Variants in CHST11 observed in about 807,000 individuals in gnomAD.
CHST11 encodes C4S-1.
A neutral mutation model predicts 30.4 loss-of-function variants in CHST11; 9 were observed. That is an observed-to-expected ratio of 0.30 (90% CI 0.18 to 0.52). CHST11 has a LOEUF of 0.52. Ranked by LOEUF, CHST11 falls within the 20% of genes least tolerant of loss-of-function variation. CHST11 has a pLI of 0.97. For missense variants in CHST11, 348 were observed against 460.6 expected (o/e 0.76, Z 2.24); for synonymous variants, 152 against 187.8 (o/e 0.81, Z 1.56).
At chr12:104,625,476 T>C (rs1209759641) in intron 2 of CHST11, among the ~76,000 whole-genome samples, 1 of 152,186 alleles carries the variant, frequency 6.6e-6, no homozygotes, top group Non-Finnish European at 1.5e-5. Flanking sequence ...GGCTCATTTT[T>C]GTGTTTTTAG....
rs10659007 is a variant in CHST11, at chr12:104,750,428, C to CT, written c.205-6493dup. ...GTGTACCTGGTTTTATATTTCTGCA[C>CT]TTTTTTTTTTTTTTTTTTTTTTTTT... On this transcript the variant is annotated intron_variant, in intron 2 of 2. Coordinates refer to ENST00000303694, the MANE Select transcript of CHST11 (RefSeq NM_018413.6). Among the ~76,000 whole-genome samples the CT allele has an allele frequency of 4.0e-3, 196 of 48,716 alleles. 23 individuals carry two copies. The highest frequency in any genetic ancestry group is 9.7e-3 in the South Asian group (11 of 1,130). 32.0% of individuals were successfully genotyped at this position (48,716 alleles called of 152,430 possible).
At position 104,694,475 on chromosome 12, in the gene CHST11, GA is replaced by G. The variant is rs764195620; in HGVS notation, c.205-62472del. Among the ~76,000 whole-genome samples the G allele has an allele frequency of 2.6e-5, 4 of 152,298 alleles. No homozygotes were observed. In the East Asian group the frequency reaches 5.8e-4, roughly 22 times the overall value. On this transcript the variant is annotated intron_variant, in intron 2 of 2. Transcript: ENST00000303694. Reference sequence around the variant, plus strand: ...GCCACTTTTGAAAAAAATGTTTTTTGAATGTGTTTTTTGGTTTTGTTTTGTT... The same window carrying G: ...GCCACTTTTGAAAAAAATGTTTTTTGATGTGTTTTTTGGTTTTGTTTTGTT...
At chr12:104,557,301 C>T (rs2038466840) in intron 1 of CHST11, among the ~76,000 whole-genome samples, 1 of 152,204 alleles carries the variant, frequency 6.6e-6, no homozygotes, top group Admixed American at 6.5e-5. Flanking sequence ...AACAGGGCTC[C>T]TTCACCGCTC....
intron 1 of CHST11, among the ~76,000 whole-genome samples, chr12:104,482,047 C>T (rs968074143): frequency 1.3e-5 from 2 of 152,098 alleles, no homozygotes; most frequent in Non-Finnish European, 2.9e-5. Context: ...GACAGGGTTT[C>T]ACCATGTTGG....
At chr12:104,756,928 C>G (rs756509486) in intron 2 of CHST11, 21 bp from the exon 3 acceptor site, 10 of 1,597,584 alleles carry the variant, frequency 6.3e-6, no homozygotes, top group Non-Finnish European at 8.5e-6. Context: ...AGTTCTTATT[C>G]GTCTTGTGTC....
chr12:104,629,087 G>A (rs1290874757), intron 2 of CHST11, among the ~76,000 whole-genome samples: 1 of 152,168 alleles, frequency 6.6e-6, no homozygotes, highest in East Asian at 1.9e-4. Flanking sequence ...ATCTAGAGTT[G>A]CAAATTGCAC....
intron 1 of CHST11, among the ~76,000 whole-genome samples, chr12:104,522,804 T>C (rs2038086574): frequency 6.6e-6 from 1 of 152,030 alleles, no homozygotes. Context: ...TCTGAAAGGC[T>C]CCCCCTGTGC....
intron 2 of CHST11, among the ~76,000 whole-genome samples, chr12:104,639,994 C>T (rs939963091): frequency 6.6e-6 from 1 of 152,150 alleles, no homozygotes; most frequent in Non-Finnish European, 1.5e-5. Context: ...CATCATATGT[C>T]GTTAGGGAAT....
rs926865895 is a variant in CHST11, at chr12:104,467,051, A to G, written c.118+9522A>G. On this transcript the variant is annotated intron_variant, in intron 1 of 2. Transcript: ENST00000303694. Reference sequence around the variant, plus strand: ...TGGGATCTCTTTAGGCCTCAGTTCTATTTTGTGAGGAATAGGATAGTTAAA... The same window carrying G: ...TGGGATCTCTTTAGGCCTCAGTTCTGTTTTGTGAGGAATAGGATAGTTAAA... Among the ~76,000 whole-genome samples, 6 of 152,160 alleles carry G rather than the reference A, an allele frequency of 3.9e-5. No homozygotes were observed. In the East Asian group the frequency reaches 1.2e-3, roughly 29 times the overall value.
chr12:104,470,030 G>A (rs571103470), intron 1 of CHST11, among the ~76,000 whole-genome samples: 4 of 152,360 alleles, frequency 2.6e-5, no homozygotes, highest in African/African-American at 9.6e-5. Flanking sequence ...TAGGGGACAG[G>A]TGGCAATGTC....
At chr12:104,518,439 G>A (rs896095757) in intron 1 of CHST11, among the ~76,000 whole-genome samples, 1 of 152,120 alleles carries the variant, frequency 6.6e-6, no homozygotes, top group African/African-American at 2.4e-5. Context: ...ATATTCAGAG[G>A]TTGTCAGTTG....
chr12:104,508,014 G>A (rs374254995), intron 1 of CHST11, among the ~76,000 whole-genome samples: 37 of 152,254 alleles, frequency 2.4e-4, no homozygotes, highest in African/African-American at 8.2e-4. Context: ...TCACAGTTTC[G>A]TATGCAAGCA....
intron 2 of CHST11, among the ~76,000 whole-genome samples, chr12:104,709,146 G>T (rs1269711765): frequency 6.6e-6 from 1 of 152,214 alleles, no homozygotes; most frequent in Non-Finnish European, 1.5e-5. Flanking sequence ...GCAAAACAAA[G>T]AAATGCTTAA....
intron 2 of CHST11, among the ~76,000 whole-genome samples, chr12:104,633,007 G>A (rs192794997): frequency 8.5e-5 from 13 of 152,360 alleles, no homozygotes; most frequent in Non-Finnish European, 1.2e-4. Context: ...TTGTCAGGCT[G>A]AAGCCATCTC....
At chr12:104,545,099 A>G (rs2038334007) in intron 1 of CHST11, among the ~76,000 whole-genome samples, 1 of 152,204 alleles carries the variant, frequency 6.6e-6, no homozygotes, top group African/African-American at 2.4e-5. Flanking sequence ...GAGCAGCCCT[A>G]TTATTACCCT....
At chr12:104,568,292 G>A (rs377314791) in intron 1 of CHST11, among the ~76,000 whole-genome samples, 18 of 152,276 alleles carry the variant, frequency 1.2e-4, no homozygotes, top group Admixed American at 2.0e-4. Context: ...AGCAGCTACC[G>A]TTGCCATGGA....
At chr12:104,586,685 C>T (rs1332585770) in intron 1 of CHST11, among the ~76,000 whole-genome samples, 3 of 152,190 alleles carry the variant, frequency 2.0e-5, no homozygotes, top group African/African-American at 7.2e-5. Flanking sequence ...TTTTCTGCCT[C>T]ACTGCAAAAT....
chr12:104,632,029 C>T (rs1032447393), intron 2 of CHST11, among the ~76,000 whole-genome samples: 3 of 152,122 alleles, frequency 2.0e-5, no homozygotes, highest in Non-Finnish European at 2.9e-5. Context: ...ACCCTTCCCT[C>T]GAGGGGCCGA....
intron 2 of CHST11, among the ~76,000 whole-genome samples, chr12:104,705,578 C>T (rs1198662776): frequency 6.6e-6 from 1 of 151,952 alleles, no homozygotes; most frequent in South Asian, 2.1e-4. Flanking sequence ...GATAAGCAAG[C>T]GAAATATTAA....
Sources: gnomAD v4.1 joint callset for allele counts (sites outside exome capture counted in the v4.1 genomes callset) on GRCh38, gnomAD v4.1.1 for gene constraint, MANE v1.5 for transcripts, NCBI Gene and HGNC (gene_info 2026-07-23, HGNC 2026-07-21) for gene names.